The following FRMD5 variants were observed in gnomAD, a reference collection of about 807,000 sequenced individuals.
The protein encoded by FRMD5 is FERM domain containing 5.
Under a neutral mutation model 69.0 loss-of-function variants are expected in FRMD5, and 20 were observed. That is an observed-to-expected ratio of 0.29 (90% confidence interval 0.20 to 0.42). The LOEUF (loss-of-function observed/expected upper bound fraction) is 0.42, where lower values mean the gene tolerates loss of function less well. Among genes scored for constraint, FRMD5 ranks in the 10% least tolerant of loss-of-function variants. FRMD5 has a pLI of 1.00. For missense variants in FRMD5, 595 were observed against 708.6 expected, an observed-to-expected ratio of 0.84 and a Z score of 1.82; for synonymous variants, 271 against 260.1, an observed-to-expected ratio of 1.04 and a Z score of -0.40.
intron 4 of FRMD5, among the ~76,000 whole-genome samples, chr15:43,915,051 T>G (rs1317808196): frequency 6.6e-6 from 1 of 152,162 alleles, no homozygotes; most frequent in Non-Finnish European, 1.5e-5. Flanking sequence ...TAATCCTTGT[T>G]TAATGGATGA....
Position 43,909,016 on chromosome 15 carries a change from G to T in FRMD5, c.427+866C>A, listed in dbSNP as rs551447252. Among the ~76,000 whole-genome samples, 12 of 152,218 alleles carry T rather than the reference G, an allele frequency of 7.9e-5. No homozygotes were observed. The South Asian group carries it at 2.5e-3, about 32-fold the overall frequency. ...CAAATCCCTAAAACAGAGTCAGAAT[G>T]ACTTTAAGGGGCTGGTAGTAAGATC... is the stretch of plus-strand genomic sequence containing the variant. On this transcript the variant is annotated intron_variant, in intron 5 of 13. Coordinates refer to ENST00000417257, the MANE Select transcript of FRMD5 (RefSeq NM_032892.5).
At chr15:43,893,146 T>C (rs2088835205) in intron 7 of FRMD5, among the ~76,000 whole-genome samples, 1 of 147,604 alleles carries the variant, frequency 6.8e-6, no homozygotes, top group Non-Finnish European at 1.5e-5. Flanking sequence ...AAAAAAAACA[T>C]TTTATGGTAT....
At chr15:44,175,836 A>T (rs763006652) in intron 1 of FRMD5, among the ~76,000 whole-genome samples, 5 of 152,214 alleles carry the variant, frequency 3.3e-5, no homozygotes, top group Non-Finnish European at 5.9e-5. Context: ...CAAAAGCATT[A>T]TGCTTACACT....
chr15:44,022,415 C>A (rs1382008360), intron 1 of FRMD5, among the ~76,000 whole-genome samples: 5 of 148,040 alleles, frequency 3.4e-5, no homozygotes, highest in African/African-American at 1.2e-4. Flanking sequence ...AAAAAAAAAA[C>A]ATACGAAAAT....
At chr15:44,165,195 G>A (rs897659154) in intron 1 of FRMD5, among the ~76,000 whole-genome samples, 1 of 152,232 alleles carries the variant, frequency 6.6e-6, no homozygotes, top group Non-Finnish European at 1.5e-5. Flanking sequence ...AAGGCAGGCG[G>A]ATCACCTGAG....
intron 1 of FRMD5, among the ~76,000 whole-genome samples, chr15:44,148,524 G>A (rs1467330600): frequency 1.3e-5 from 2 of 152,132 alleles, no homozygotes; most frequent in Non-Finnish European, 2.9e-5. Context: ...GCCCGCCTCG[G>A]CCTCCCAAAG....
At chr15:43,958,617 C>T (rs925274681) in intron 1 of FRMD5, among the ~76,000 whole-genome samples, 5 of 151,916 alleles carry the variant, frequency 3.3e-5, no homozygotes, top group African/African-American at 9.7e-5. Flanking sequence ...TAATTTTTTT[C>T]GAGACAGGGT....
chr15:44,016,495 G>A (rs1890963664), intron 1 of FRMD5, among the ~76,000 whole-genome samples: 1 of 152,138 alleles, frequency 6.6e-6, no homozygotes, highest in South Asian at 2.1e-4. Flanking sequence ...GGCCGAGGCA[G>A]GTGGATCACC....
rs550238000 is a variant in FRMD5, at chr15:43,946,709, T to C, written c.103-22400A>G. ...AGTTTAATGAAAGAGTTCTGCTAGA[T>C]GGGGCAGTGGGTTCCCAGGATGGAA... is the stretch of plus-strand genomic sequence containing the variant. On this transcript the variant is annotated intron_variant, in intron 1 of 13. Coordinates refer to ENST00000417257, the MANE Select transcript of FRMD5 (RefSeq NM_032892.5). 4.6e-5 allele frequency among the ~76,000 whole-genome samples: 7 copies of C among 152,276 alleles called. No individual in the cohort carries two copies. The East Asian group carries it at 1.4e-3, about 29-fold the overall frequency.
At chr15:43,911,440 C>T (rs1471328328) in intron 4 of FRMD5, among the ~76,000 whole-genome samples, 1 of 152,162 alleles carries the variant, frequency 6.6e-6, no homozygotes, top group Non-Finnish European at 1.5e-5. Flanking sequence ...GGGCCTTTGC[C>T]AACAGCCAGC....
At chr15:43,946,176 T>A (rs991901413) in intron 1 of FRMD5, among the ~76,000 whole-genome samples, 2 of 152,208 alleles carry the variant, frequency 1.3e-5, no homozygotes, top group Middle Eastern at 3.2e-3. Context: ...TCTCTTCTTT[T>A]AAAGGCAAAG....
intron 1 of FRMD5, among the ~76,000 whole-genome samples, chr15:43,942,435 T>C (rs2089878233): frequency 6.6e-6 from 1 of 152,226 alleles, no homozygotes; most frequent in Non-Finnish European, 1.5e-5. Flanking sequence ...TTTCAGAGTC[T>C]ATGGGACTTT....
intron 1 of FRMD5, among the ~76,000 whole-genome samples, chr15:44,093,505 T>A (rs1015945628): frequency 2.6e-5 from 4 of 152,026 alleles, no homozygotes; most frequent in Non-Finnish European, 5.9e-5. Flanking sequence ...AATGACTACA[T>A]CCATTAGATT....
chr15:43,908,726 A>C (rs1449356945), intron 5 of FRMD5, among the ~76,000 whole-genome samples: 1 of 152,146 alleles, frequency 6.6e-6, no homozygotes, highest in Admixed American at 6.5e-5. Context: ...TGAAGAGTGC[A>C]TATCTCTCCC....
intron 1 of FRMD5, among the ~76,000 whole-genome samples, chr15:44,097,842 C>A (rs1448967668): frequency 6.6e-6 from 1 of 152,190 alleles, no homozygotes; most frequent in Non-Finnish European, 1.5e-5. Flanking sequence ...AGCAGCCTGA[C>A]AAACTGTTTT....
At chr15:44,052,943 G>A (rs1486079022) in intron 1 of FRMD5, among the ~76,000 whole-genome samples, 3 of 152,128 alleles carry the variant, frequency 2.0e-5, no homozygotes, top group Non-Finnish European at 2.9e-5. Context: ...CCATGGTCTG[G>A]TAAGAGAGAT....
chr15:44,059,669 G>C (rs759420542), intron 1 of FRMD5, among the ~76,000 whole-genome samples: 3 of 151,718 alleles, frequency 2.0e-5, no homozygotes, highest in Non-Finnish European at 4.4e-5. Context: ...ACACCACCAC[G>C]CCCAGCTAAT....
intron 1 of FRMD5, among the ~76,000 whole-genome samples, chr15:43,964,500 C>CAA (rs59698503): frequency 0.11 from 14,291 of 129,578 alleles, 1,425 homozygotes; most frequent in African/African-American, 0.28. Flanking sequence ...AACAAACAAA[C>CAA]AAAAAAAAAA....
chr15:44,072,228 T>G (rs926688505), intron 1 of FRMD5, among the ~76,000 whole-genome samples: 1 of 152,200 alleles, frequency 6.6e-6, no homozygotes, highest in Non-Finnish European at 1.5e-5. Flanking sequence ...CAAAACATGC[T>G]TTAGACCTAT....
Sources: gnomAD v4.1 joint callset for allele counts (sites outside exome capture counted in the v4.1 genomes callset) on GRCh38, gnomAD v4.1.1 for gene constraint, MANE v1.5 for transcripts, NCBI Gene and HGNC (gene_info 2026-07-23, HGNC 2026-07-21) for gene names.